MMP14: variants seen among roughly 807,000 people sequenced by gnomAD.
MMP14 encodes the protein matrix metalloproteinase-14.
Under a neutral mutation model 64.8 loss-of-function variants are expected in MMP14, and 13 were observed. That is an observed-to-expected ratio of 0.20 (90% CI 0.13 to 0.32). The LOEUF is 0.32. Among genes scored for constraint, MMP14 ranks in the 10% least tolerant of loss-of-function variants. MMP14 has a pLI of 1.00. For synonymous variants in MMP14, 322 were observed against 315.9 expected, an observed-to-expected ratio of 1.02 and a Z score of -0.20; for missense variants, 594 against 783.8, an observed-to-expected ratio of 0.76 and a Z score of 2.89.
chr14:22,842,673 T>A lies in MMP14; in HGVS notation c.644T>A (p.Phe215Tyr), dbSNP rs1444614149. 1 of 1,613,268 alleles carries A rather than the reference T, an allele frequency of 6.2e-7. No homozygotes were observed. The highest frequency in any genetic ancestry group is 8.5e-7 in the Non-Finnish European group (1 of 1,179,442). Residue 215 changes from phenylalanine (F) to tyrosine (Y), a missense_variant, in exon 4 of 10, where the codon TTT becomes TAT. By Grantham distance (22) the Phe-to-Tyr change is conservative. Around this residue, in one of 4 missense-constraint regions of MMP14, gnomAD observed 179 missense variants for 283.4 expected, o/e 0.63. Transcript: ENST00000311852. The surrounding 1 kb of genome is among the most constrained non-coding windows in gnomAD (Gnocchi z 5.3). ...CCCAACATTGGAGGAGACACCCACTTTGACTCTGCCGAGCCTTGGACTGTC... is the reference window on the plus strand; with the variant it reads ...CCCAACATTGGAGGAGACACCCACTATGACTCTGCCGAGCCTTGGACTGTC... ...PGPNIGGDTH[F>Y]DSAEPWTVRN...
chr14:22,845,868 CATT>C lies in MMP14; in HGVS notation c.1579_1581del (p.Ile527del), dbSNP rs777490735. ...CTGAGGAGGAGACGGAGGTGATCAT[CATT>C]GAGGTGGACGAGGAGGGCGGCGGGG... On this transcript the variant is annotated inframe_deletion, in exon 10 of 10. Transcript: ENST00000311852. 2 of 1,614,004 alleles carry C rather than the reference CATT, an allele frequency of 1.2e-6. No individual in the cohort carries two copies. The highest frequency in any genetic ancestry group is 1.7e-6 in the Non-Finnish European group (2 of 1,180,030).
In MMP14 at chr14:22,846,218, C is replaced by G; in HGVS notation, c.*179C>G. ...CTGACCGCCTCCCTCCCTCCTGCCCCGGCATTGCATCTTCCCTAGATAGGT... is the reference window on the plus strand; with the variant it reads ...CTGACCGCCTCCCTCCCTCCTGCCCGGGCATTGCATCTTCCCTAGATAGGT... On this transcript the variant is annotated 3_prime_UTR_variant, in exon 10 of 10. Transcript: ENST00000311852. 2 of 622,344 alleles carry G rather than the reference C, an allele frequency of 3.2e-6. No individual in the cohort carries two copies. The highest frequency in any genetic ancestry group is 2.7e-6 in the Non-Finnish European group (1 of 365,890). The allele number at this position is 622,344 out of a possible 1,614,324, so 38.6% of individuals were successfully genotyped here.
rs200424263 is a variant in MMP14 at position 22,844,658 on chromosome 14, G to A, written c.1179G>A (p.Ala393=). ...ACAAGCATTGGGTGTTTGATGAGGC[G>A]TCCCTGGAACCTGGCTACCCCAAGC... ...KGDKHWVFDE[A]SLEPGYPKHI... The change falls in exon 8 of 10, where the codon GCG becomes GCA. Residue 393 remains alanine, a synonymous_variant. Coordinates refer to ENST00000311852, the MANE Select transcript of MMP14 (RefSeq NM_004995.4). The A allele has an allele frequency of 1.9e-4, 306 of 1,614,036 alleles. 2 individuals are homozygous for A. Among genetic ancestry groups the A allele is most frequent in the South Asian group, 8.6e-4 (78 of 91,068 alleles).
Position 22,843,584 on chromosome 14 carries a change from T to G in MMP14, c.851-126T>G. ...GCCCATCTTTTGTGTCGCCTCCCAG[T>G]TGGTTGCTTCAGCCTCCCCTAGAAG... On this transcript the variant is annotated intron_variant, in intron 5 of 9. Transcript: ENST00000311852. The surrounding 1 kb of genome is among the most constrained non-coding windows in gnomAD (Gnocchi z 4.8). The G allele has an allele frequency of 7.2e-7, 1 of 1,384,862 alleles. No homozygotes were observed. 85.8% of individuals were successfully genotyped at this position (1,384,862 alleles called of 1,614,324 possible).
At chr14:22,839,956 G>A (rs1419393306) in intron 1 of MMP14, among the ~76,000 whole-genome samples, 1 of 134,120 alleles carries the variant, frequency 7.5e-6, no homozygotes, top group Middle Eastern at 3.8e-3. Flanking sequence ...AACTTGGCTT[G>A]TTTTACTTTT....
In MMP14 at chr14:22,846,037, T is replaced by G; in HGVS notation, c.1747T>G (p.Ter583GlyextTer16). 6.8e-7 allele frequency: 1 copy of G among 1,473,934 alleles called. No homozygotes were observed. The highest frequency in any genetic ancestry group is 9.0e-7 in the Non-Finnish European group (1 of 1,110,498). The allele number at this position is 1,473,934 out of a possible 1,614,324, so 91.3% of individuals were successfully genotyped here. The change falls in exon 10 of 10, where the codon TGA (stop) becomes GGA (glycine). Residue 583 changes from the stop codon to glycine (G), a stop_lost. Transcript: ENST00000311852. ...YCQRSLLDKV[*>G] ...CCAGCGTTCCCTGCTGGACAAGGTC[T>G]GACGCCCACCGCCGGCCCGCCCACT...
intron 1 of MMP14, among the ~76,000 whole-genome samples, chr14:22,838,756 G>A (rs1341197598): frequency 3.9e-5 from 6 of 152,110 alleles, no homozygotes; most frequent in African/African-American, 7.2e-5. Context: ...CCTGTCTGGC[G>A]CTGGGCCCTT....
rs565698210 is a variant in MMP14, at chr14:22,839,802, A to T, written c.109-1689A>T. ...ACAGCACCCAACAGCAGCCTCCCCC[A>T]TCTCCCCTCCAAGATCCCATCCTGG... is the stretch of plus-strand genomic sequence containing the variant. On this transcript the variant is annotated intron_variant, in intron 1 of 9. Coordinates refer to ENST00000311852, the MANE Select transcript of MMP14 (RefSeq NM_004995.4). Among the ~76,000 whole-genome samples the T allele has an allele frequency of 1.1e-4, 16 of 151,918 alleles. No individual in the cohort carries two copies. The South Asian group carries it at 3.1e-3, about 30-fold the overall frequency.
Position 22,845,876 on chromosome 14 carries a change from T to G in MMP14, c.1586T>G (p.Val529Gly). The part of the protein sequence containing the change: ...EEETEVIIIE[V>G]DEEGGGAVSA... The stretch of plus-strand genomic sequence containing the variant: ...GAGACGGAGGTGATCATCATTGAGG[T>G]GGACGAGGAGGGCGGCGGGGCGGTG... Residue 529 changes from valine to glycine, a missense_variant, in exon 10 of 10, where the codon GTG becomes GGG. Around this residue, in one of 4 missense-constraint regions of MMP14, gnomAD observed 364 missense variants for 425.2 expected, o/e 0.86. Coordinates refer to ENST00000311852, the MANE Select transcript of MMP14 (RefSeq NM_004995.4). 6.2e-7 allele frequency: 1 copy of G among 1,613,936 alleles called. No homozygotes were observed. The highest frequency in any genetic ancestry group is 8.5e-7 in the Non-Finnish European group (1 of 1,179,932).
In MMP14 at chr14:22,845,722, T is replaced by A. The variant is rs1364207266; in HGVS notation, c.1432T>A (p.Tyr478Asn). ...MGSDEVFTYF[Y>N]KGNKYWKFNN... ...ACTCCCTGCAGTCTTCACTTACTTC[T>A]ACAAGGGGAACAAATACTGGAAATT... The change falls in exon 10 of 10, where the codon TAC (tyrosine) becomes AAC (asparagine). Residue 478 changes from tyrosine to asparagine, a missense_variant. By Grantham distance (143) the Tyr-to-Asn change is moderately radical (BLOSUM62 -2). Coordinates refer to ENST00000311852, the MANE Select transcript of MMP14 (RefSeq NM_004995.4). The A allele has an allele frequency of 6.2e-7, 1 of 1,613,996 alleles. No individual in the cohort carries two copies. Among genetic ancestry groups the A allele is most frequent in the East Asian group, 2.2e-5 (1 of 44,880 alleles).
chr14:22,843,548 T>C lies in MMP14; in HGVS notation c.850+130T>C. The stretch of plus-strand genomic sequence containing the variant: ...CCAACCTGCCCCTGCCTCTATCAGC[T>C]CCACTTTTGAGCCCATCTTTTGTGT... On this transcript the variant is annotated intron_variant, in intron 5 of 9. Coordinates refer to ENST00000311852, the MANE Select transcript of MMP14 (RefSeq NM_004995.4). The surrounding 1 kb of genome is among the most constrained non-coding windows in gnomAD (Gnocchi z 4.8). 7.2e-7 allele frequency: 1 copy of C among 1,398,158 alleles called. No homozygotes were observed. The allele number at this position is 1,398,158 out of a possible 1,614,324, so 86.6% of individuals were successfully genotyped here.
intron 1 of MMP14, among the ~76,000 whole-genome samples, chr14:22,840,577 C>T (rs2039766050): frequency 3.3e-5 from 5 of 151,660 alleles, no homozygotes; most frequent in African/African-American, 1.2e-4. Flanking sequence ...GGCGCAATCT[C>T]AGCTCGCTGC....
chr14:22,841,694 G>A (rs914424167), intron 2 of MMP14, 55 bp downstream of exon 2: 89 of 1,605,698 alleles, frequency 5.5e-5, no homozygotes, highest in Middle Eastern at 1.6e-4. Flanking sequence ...CAATGCCAGC[G>A]CCAGAGATGT....
Position 22,845,312 on chromosome 14 carries a change from G to A in MMP14, c.1363G>A (p.Val455Ile). The A allele has an allele frequency of 6.2e-7, 1 of 1,613,454 alleles. No individual in the cohort carries two copies. The highest frequency in any genetic ancestry group is 1.1e-5 in the South Asian group (1 of 90,914). ...VDSEYPKNIK[V>I]WEGIPESPRG... The stretch of plus-strand genomic sequence containing the variant: ...TAGCGAGTACCCCAAGAACATCAAA[G>A]TCTGGGAAGGGATCCCTGAGTCTCC... The change falls in exon 9 of 10, where the codon GTC (valine) becomes ATC (isoleucine). Residue 455 changes from valine (V) to isoleucine (I), a missense_variant. By Grantham distance (29) the Val-to-Ile change is conservative. This residue lies in a region of MMP14 where 364 missense variants were observed against 425.2 expected (regional missense o/e 0.86). Coordinates refer to ENST00000311852, the MANE Select transcript of MMP14 (RefSeq NM_004995.4).
In MMP14 at chr14:22,845,792, C is replaced by T; in HGVS notation, c.1502C>T (p.Ala501Val). 2 of 1,614,188 alleles carry T rather than the reference C, an allele frequency of 1.2e-6. No homozygotes were observed. The highest frequency in any genetic ancestry group is 1.7e-6 in the Non-Finnish European group (2 of 1,180,050). The change falls in exon 10 of 10, where the codon GCC becomes GTC. Residue 501 changes from alanine (A) to valine (V), a missense_variant. This residue lies in a region of MMP14 where 364 missense variants were observed against 425.2 expected (regional missense o/e 0.86). Transcript: ENST00000311852. ...GTAGAACCGGGCTACCCCAAGTCAGCCCTGAGGGACTGGATGGGCTGCCCA... is the reference window on the plus strand; with the variant it reads ...GTAGAACCGGGCTACCCCAAGTCAGTCCTGAGGGACTGGATGGGCTGCCCA... The part of the protein sequence containing the change: ...LKVEPGYPKS[A>V]LRDWMGCPSG...
At position 22,841,522 on chromosome 14, in the gene MMP14, C is replaced by A; in HGVS notation, c.140C>A (p.Pro47His). 6.2e-7 allele frequency: 1 copy of A among 1,614,072 alleles called. No individual in the cohort carries two copies. Among genetic ancestry groups the A allele is most frequent in the Non-Finnish European group, 8.5e-7 (1 of 1,180,016 alleles). The change falls in exon 2 of 10, where the codon CCC (proline) becomes CAC (histidine). Residue 47 changes from proline to histidine, a missense_variant. By Grantham distance (77) the Pro-to-His change is moderately conservative. Coordinates refer to ENST00000311852, the MANE Select transcript of MMP14 (RefSeq NM_004995.4). ...CTACAGCAATATGGCTACCTGCCTC[C>A]CGGGGACCTACGTACCCACACACAG... ...AWLQQYGYLP[P>H]GDLRTHTQRS...
chr14:22,843,359 T>G lies in MMP14; in HGVS notation c.791T>G (p.Met264Arg), dbSNP rs1420662677. ...SAIMAPFYQW[M>R]DTENFVLPDD... ...ATCATGGCACCCTTTTACCAGTGGA[T>G]GGACACGGAGAATTTTGTGCTGCCC... Residue 264 changes from methionine to arginine, a missense_variant, in exon 5 of 10, where the codon ATG (methionine) becomes AGG (arginine). Physicochemically the swap from Met to Arg is moderately conservative, Grantham distance 91 (BLOSUM62 -1). This residue lies in a region of MMP14 where 364 missense variants were observed against 425.2 expected (regional missense o/e 0.86). Transcript: ENST00000311852. The surrounding 1 kb of genome is among the most constrained non-coding windows in gnomAD (Gnocchi z 4.8). 2 of 1,613,958 alleles carry G rather than the reference T, an allele frequency of 1.2e-6. No homozygotes were observed. The highest frequency in any genetic ancestry group is 1.3e-5 in the African/African-American group (1 of 74,912).
intron 9 of MMP14, among the ~76,000 whole-genome samples, 155 bp downstream of exon 9, chr14:22,845,521 C>T (rs1019477946): frequency 3.9e-5 from 6 of 152,130 alleles, no homozygotes; most frequent in Non-Finnish European, 8.8e-5. Flanking sequence ...ACACGTGGTG[C>T]CCATTCATCC....
chr14:22,841,794 C>T, intron 2 of MMP14, 119 bp from the exon 3 acceptor site: 1 of 1,561,910 alleles, frequency 6.4e-7, no homozygotes, highest in Admixed American at 1.7e-5. Flanking sequence ...ACCCTGACCT[C>T]ATAACCTTGG....
Sources: gnomAD v4.1 joint callset for allele counts (sites outside exome capture counted in the v4.1 genomes callset) on GRCh38, gnomAD v4.1.1 for gene constraint, gnomAD v4.1.1 regional missense constraint, Gnocchi (gnomAD v3.1) non-coding constraint, MANE v1.5 for transcripts, NCBI Gene and HGNC (gene_info 2026-07-23, HGNC 2026-07-21) for gene names.